DNAH8: variants seen among roughly 807,000 people sequenced by gnomAD.
DNAH8 encodes the protein axonemal beta dynein heavy chain 8.
A neutral mutation model predicts 562.1 loss-of-function variants in DNAH8; 382 were observed. That is an observed-to-expected ratio of 0.68 (90% CI 0.63 to 0.74). DNAH8 has a LOEUF of 0.74. DNAH8 is among the 30% of genes least tolerant of loss of function. DNAH8 has a pLI of 0.00. For missense variants in DNAH8, 5,203 were observed against 5,620.4 expected (o/e 0.93, Z 2.37); for synonymous variants, 1,881 against 1,919.4 (o/e 0.98, Z 0.52).
intron 20 of DNAH8, among the ~76,000 whole-genome samples, chr6:38,791,141 A>T (rs1162115632): frequency 1.3e-5 from 2 of 152,190 alleles, no homozygotes; most frequent in Non-Finnish European, 2.9e-5. Context: ...TCTGTGTGTC[A>T]TGGCAGCATG....
At chr6:38,733,438 C>A (rs1763818611) in intron 4 of DNAH8, among the ~76,000 whole-genome samples, 1 of 152,052 alleles carries the variant, frequency 6.6e-6, no homozygotes, top group Non-Finnish European at 1.5e-5. Flanking sequence ...TTGGGGGAGT[C>A]AGTGAAGGCT....
intron 91 of DNAH8, among the ~76,000 whole-genome samples, chr6:39,013,584 G>A (rs1356220923): frequency 4.6e-5 from 7 of 152,222 alleles, no homozygotes; most frequent in Non-Finnish European, 8.8e-5. Flanking sequence ...AGGAGCGATG[G>A]CTCACGCTTG....
intron 21 of DNAH8, among the ~76,000 whole-genome samples, chr6:38,801,298 A>C (rs79958120): frequency 6.6e-6 from 1 of 152,298 alleles, no homozygotes; most frequent in African/African-American, 2.4e-5. Flanking sequence ...ACCAGTTGTT[A>C]ATCCCATTAA....
intron 71 of DNAH8, among the ~76,000 whole-genome samples, chr6:38,921,846 T>A (rs1274811544): frequency 6.6e-6 from 1 of 151,890 alleles, no homozygotes; most frequent in Non-Finnish European, 1.5e-5. Flanking sequence ...GCGAGCTGAG[T>A]CCGAAAAGAG....
At chr6:38,931,716 C>A in intron 75 of DNAH8, 95 bp from the exon 76 acceptor site, 1 of 713,820 alleles carries the variant, frequency 1.4e-6, no homozygotes, top group Non-Finnish European at 2.2e-6. Context: ...ATTGAAGCGT[C>A]ACAGCACTGA....
Position 38,926,085 on chromosome 6 carries a change from G to A in DNAH8, c.10993G>A (p.Gly3665Arg), listed in dbSNP as rs1320411210. The A allele has an allele frequency of 6.2e-7, 1 of 1,613,572 alleles. No homozygotes were observed. Among genetic ancestry groups the A allele is most frequent in the South Asian group, 1.1e-5 (1 of 91,062 alleles). Residue 3665 changes from glycine to arginine, a missense_variant, in exon 74 of 93, where the codon GGA (glycine) becomes AGA (arginine). By Grantham distance (125) the Gly-to-Arg change is moderately radical. Transcript: ENST00000327475. ...IGEWGLQGLP[G>R]DDLSIQNGII... is the part of the protein sequence containing the mutation. ...TGAGTGGGGGCTACAGGGATTACCA[G>A]GAGATGATCTCTCAATTCAGAATGG...
chr6:38,907,028 A>C (rs1025497703), intron 63 of DNAH8, among the ~76,000 whole-genome samples: 4 of 152,198 alleles, frequency 2.6e-5, no homozygotes, highest in Non-Finnish European at 5.9e-5. Flanking sequence ...AATCTGAAAA[A>C]AATCTGAAAT....
intron 71 of DNAH8, 23 bp downstream of exon 71, chr6:38,921,529 C>A (rs1161762094): frequency 1.9e-6 from 3 of 1,604,522 alleles, no homozygotes; most frequent in African/African-American, 2.7e-5. Flanking sequence ...ATAAAAAATC[C>A]CCAAAATGGT....
rs1348980244 is a variant in DNAH8 at position 38,722,874 on chromosome 6, A to G, written c.65A>G (p.Glu22Gly). 2 of 1,612,034 alleles carry G rather than the reference A, an allele frequency of 1.2e-6. No individual in the cohort carries two copies. Among genetic ancestry groups the G allele is most frequent in the South Asian group, 2.2e-5 (2 of 90,936 alleles). ...EGAEAPPSTE[E>G]AAPPRSEEEE... ...GCAGAGGCTCCTCCCTCTACGGAAGAGGCTGCCCCTCCCCGTTCAGAAGAG... is the reference window on the plus strand; with the variant it reads ...GCAGAGGCTCCTCCCTCTACGGAAGGGGCTGCCCCTCCCCGTTCAGAAGAG... Residue 22 changes from glutamate to glycine, a missense_variant, in exon 2 of 93, where the codon GAG (glutamate) becomes GGG (glycine). Around this residue, in one of 6 missense-constraint regions of DNAH8, gnomAD observed 556 missense variants for 496.9 expected, o/e 1.12. Transcript: ENST00000327475.
chr6:38,955,313 C>T (rs116437824), intron 82 of DNAH8, among the ~76,000 whole-genome samples: 1,636 of 151,948 alleles, frequency 0.011, 39 homozygotes, highest in African/African-American at 0.037. Flanking sequence ...AACAGTAAAC[C>T]GACCCAGATA....
intron 53 of DNAH8, among the ~76,000 whole-genome samples, chr6:38,878,309 T>C (rs1022828025): frequency 2.0e-5 from 3 of 152,174 alleles, no homozygotes; most frequent in Non-Finnish European, 4.4e-5. Flanking sequence ...ACCAAGATAT[T>C]CTGGGTCATA....
intron 44 of DNAH8, among the ~76,000 whole-genome samples, chr6:38,863,085 A>T (rs1423846180): frequency 1.3e-5 from 2 of 152,130 alleles, no homozygotes; most frequent in Admixed American, 6.6e-5. Context: ...ATTACGTACA[A>T]CTGTTGATTT....
rs1478726424 is a variant in DNAH8 at position 38,917,309 on chromosome 6, T to C, written c.10211T>C (p.Met3404Thr). The C allele has an allele frequency of 6.2e-7, 1 of 1,613,518 alleles. No individual in the cohort carries two copies. Among genetic ancestry groups the C allele is most frequent in the Non-Finnish European group, 8.5e-7 (1 of 1,179,636 alleles). The change falls in exon 69 of 93, where the codon ATG becomes ACG. Residue 3404 changes from methionine (M) to threonine (T), a missense_variant. Coordinates refer to ENST00000327475, the MANE Select transcript of DNAH8 (RefSeq NM_001206927.2). Reference sequence around the variant, plus strand: ...CCACCACATCTTATTATGAGAATCATGGACTGTGTTCTGTTACTATTTCAA... The same window carrying C: ...CCACCACATCTTATTATGAGAATCACGGACTGTGTTCTGTTACTATTTCAA... ...AKPPHLIMRI[M>T]DCVLLLFQKK...
chr6:39,000,048 T>G (rs1361366525), intron 88 of DNAH8, among the ~76,000 whole-genome samples: 1 of 152,180 alleles, frequency 6.6e-6, no homozygotes, highest in Non-Finnish European at 1.5e-5. Context: ...CTTTAAATAT[T>G]GAAGAATTGC....
intron 81 of DNAH8, among the ~76,000 whole-genome samples, chr6:38,950,009 C>A (rs1483832345): frequency 1.3e-5 from 2 of 151,956 alleles, no homozygotes; most frequent in African/African-American, 2.4e-5. Context: ...GAGAAAAAAA[C>A]CCAATAATAT....
At position 38,929,693 on chromosome 6, in the gene DNAH8, G is replaced by A. The variant is rs773874683; in HGVS notation, c.11274+27G>A. On this transcript the variant is annotated intron_variant, in intron 75 of 92. Coordinates refer to ENST00000327475, the MANE Select transcript of DNAH8 (RefSeq NM_001206927.2). ...TGAGCTTTGTAAAAAAAAAAAAAAA[G>A]AAAGAAAGAAAGAAAAGAAAAAGAA... 3.1e-3 allele frequency: 3,506 copies of A among 1,133,336 alleles called. 37 individuals carry two copies. In the African/African-American group the frequency reaches 0.042, roughly 14 times the overall value. 70.2% of individuals were successfully genotyped at this position (1,133,336 alleles called of 1,614,324 possible). A position where few individuals can be genotyped will look rare whatever the true frequency, so the allele number is the denominator to read the frequency against.
At chr6:38,878,671 G>A (rs941011583) in intron 53 of DNAH8, among the ~76,000 whole-genome samples, 5 of 152,108 alleles carry the variant, frequency 3.3e-5, no homozygotes, top group Non-Finnish European at 5.9e-5. Flanking sequence ...GAAACATGAC[G>A]TGAGTATATT....
chr6:39,017,406 G>A (rs1334240094), intron 91 of DNAH8, among the ~76,000 whole-genome samples: 2 of 152,112 alleles, frequency 1.3e-5, no homozygotes, highest in Non-Finnish European at 2.9e-5. Context: ...CCTGACTTCA[G>A]GCCAGGGTAT....
intron 91 of DNAH8, among the ~76,000 whole-genome samples, chr6:39,012,855 C>CA (rs1200933201): frequency 6.6e-6 from 1 of 152,092 alleles, no homozygotes; most frequent in African/African-American, 2.4e-5. Context: ...AATGTGGTAG[C>CA]AAAATCCTTC....
Sources: allele counts gnomAD v4.1 joint callset (sites outside exome capture counted in the v4.1 genomes callset), GRCh38; gene constraint gnomAD v4.1.1; regional missense constraint gnomAD v4.1.1; transcripts MANE v1.5; gene names NCBI Gene and HGNC (gene_info 2026-07-23, HGNC 2026-07-21).